Variants in LRRC47 observed in about 807,000 individuals in gnomAD.
The protein encoded by LRRC47 is leucine-rich repeat-containing protein 47.
In LRRC47, 31 loss-of-function variants were observed where a neutral mutation model predicts 40.9. That is an observed-to-expected ratio of 0.76 (90% confidence interval 0.57 to 1.02). The LOEUF (loss-of-function observed/expected upper bound fraction) is 1.02, where lower values mean the gene tolerates loss of function less well. Among genes scored for constraint, LRRC47 ranks in the 50% least tolerant of loss-of-function variants. LRRC47 has a pLI of 0.00. For missense variants in LRRC47, 726 were observed against 796.1 expected, an observed-to-expected ratio of 0.91 and a Z score of 1.06; for synonymous variants, 427 against 371.9, an observed-to-expected ratio of 1.15 and a Z score of -1.70.
chr1:3,785,040 A>C (rs1167972046), intron 3 of LRRC47, 47 bp downstream of exon 3: 2 of 1,431,642 alleles, frequency 1.4e-6, no homozygotes, highest in Non-Finnish European at 1.9e-6. Context: ...GCGTCTTTCG[A>C]CACCAAGGAG....
chr1:3,786,948 G>C lies in LRRC47; in HGVS notation c.978C>G (p.Ser326Arg), dbSNP rs1444088549. 6.2e-7 allele frequency: 1 copy of C among 1,609,734 alleles called. No homozygotes were observed. Among genetic ancestry groups the C allele is most frequent in the African/African-American group, 1.3e-5 (1 of 74,824 alleles). ...ENPVPLTVRV[S>R]PEVRDVRPYI... ...AGGGCCGCACATCCCGGACCTCGGG[G>C]CTCACTCTGACTGTCAGAGGTACGG... Residue 326 changes from serine to arginine, a missense_variant, in exon 2 of 7, where the codon AGC (serine) becomes AGG (arginine). By Grantham distance (110) the Ser-to-Arg change is moderately radical. Transcript: ENST00000378251.
chr1:3,793,854 A>G (rs1031857178), intron 1 of LRRC47, among the ~76,000 whole-genome samples: 1 of 151,944 alleles, frequency 6.6e-6, no homozygotes, highest in Non-Finnish European at 1.5e-5. Context: ...CCTTTCCCCA[A>G]ACTATCCTTG....
intron 1 of LRRC47, among the ~76,000 whole-genome samples, chr1:3,794,075 G>C (rs1031407578): frequency 2.0e-5 from 3 of 152,016 alleles, no homozygotes; most frequent in Non-Finnish European, 4.4e-5. Context: ...GGCGCTTGTA[G>C]TCCCAGCTAC....
chr1:3,795,626 G>A (rs1464769105), intron 1 of LRRC47, among the ~76,000 whole-genome samples: 3 of 152,244 alleles, frequency 2.0e-5, no homozygotes, highest in Non-Finnish European at 4.4e-5. Flanking sequence ...CAGAATGCGG[G>A]GGAGTTCAGA....
rs1643512075 is a variant in LRRC47 at position 3,780,912 on chromosome 1, G to A, written c.*176C>T. On this transcript the variant is annotated 3_prime_UTR_variant, in exon 7 of 7. Transcript: ENST00000378251. ...AATCGCTTGAACCCAGGAGACACAGGCTGCAGTGACTCGAGATCACGCCAC... is the reference window on the plus strand; with the variant it reads ...AATCGCTTGAACCCAGGAGACACAGACTGCAGTGACTCGAGATCACGCCAC... 2.3e-5 allele frequency: 21 copies of A among 894,952 alleles called. No homozygotes were observed. The South Asian group carries it at 3.7e-4, about 16-fold the overall frequency. 55.4% of individuals were successfully genotyped at this position (894,952 alleles called of 1,614,324 possible).
chr1:3,783,014 G>A, intron 4 of LRRC47: 1 of 522,190 alleles, frequency 1.9e-6, no homozygotes, highest in East Asian at 3.2e-5. Flanking sequence ...GTCAGAAACA[G>A]AGCAGGACAA....
In LRRC47 at chr1:3,786,945, G is replaced by A. The variant is rs34614387; in HGVS notation, c.981C>T (p.Pro327=). 1.2e-3 allele frequency: 1,873 copies of A among 1,609,508 alleles called. 9 individuals are homozygous for A. In the African/African-American group the frequency reaches 0.015, roughly 13 times the overall value. Residue 327 remains proline (P), a synonymous_variant, in exon 2 of 7, where the codon CCC becomes CCT. Coordinates refer to ENST00000378251, the MANE Select transcript of LRRC47 (RefSeq NM_020710.3). The part of the protein sequence containing the change: ...NPVPLTVRVS[P]EVRDVRPYIV... ...TGTAGGGCCGCACATCCCGGACCTCGGGGCTCACTCTGACTGTCAGAGGTA... is the reference window on the plus strand; with the variant it reads ...TGTAGGGCCGCACATCCCGGACCTCAGGGCTCACTCTGACTGTCAGAGGTA...
intron 1 of LRRC47, among the ~76,000 whole-genome samples, chr1:3,794,553 C>T (rs1183191005): frequency 6.6e-6 from 1 of 151,866 alleles, no homozygotes; most frequent in African/African-American, 2.4e-5. Flanking sequence ...ACCATGTTGG[C>T]CAGGCTGGTG....
At chr1:3,788,463 G>T (rs1346585658) in intron 1 of LRRC47, among the ~76,000 whole-genome samples, 1 of 152,182 alleles carries the variant, frequency 6.6e-6, no homozygotes, top group East Asian at 1.9e-4. Context: ...TAGTTACACT[G>T]GGTGTGGAGG....
intron 2 of LRRC47, among the ~76,000 whole-genome samples, chr1:3,786,417 T>C (rs184477594): frequency 7.2e-5 from 11 of 152,180 alleles, no homozygotes; most frequent in African/African-American, 2.6e-4. Context: ...GGAGAATCAC[T>C]TGAACCCAGG....
At chr1:3,786,750 A>T in intron 2 of LRRC47, 99 bp downstream of exon 2, 1 of 1,173,494 alleles carries the variant, frequency 8.5e-7, no homozygotes, top group Non-Finnish European at 1.2e-6. Flanking sequence ...CCCATACTCC[A>T]CTGCTGCTCC....
At chr1:3,792,955 A>G (rs1313394359) in intron 1 of LRRC47, among the ~76,000 whole-genome samples, 1 of 152,202 alleles carries the variant, frequency 6.6e-6, no homozygotes, top group East Asian at 1.9e-4. Context: ...TTAGTCCTAG[A>G]GGGATGCCTA....
At chr1:3,791,171 G>T (rs1002094263) in intron 1 of LRRC47, among the ~76,000 whole-genome samples, 1 of 152,182 alleles carries the variant, frequency 6.6e-6, no homozygotes, top group African/African-American at 2.4e-5. Context: ...CCACGCGAGC[G>T]ACCAGCAGCA....
intron 4 of LRRC47, chr1:3,783,019 G>T: frequency 2.0e-6 from 1 of 512,482 alleles, no homozygotes. Context: ...AAACAGAGCA[G>T]GACAAAAAGC....
chr1:3,795,010 C>T (rs903448896), intron 1 of LRRC47, among the ~76,000 whole-genome samples: 4 of 147,368 alleles, frequency 2.7e-5, no homozygotes, highest in East Asian at 2.0e-4. Flanking sequence ...GCCGAGATCG[C>T]GCCACTGCAC....
chr1:3,784,522 A>G (rs1184260899), intron 3 of LRRC47, among the ~76,000 whole-genome samples: 1 of 152,184 alleles, frequency 6.6e-6, no homozygotes, highest in African/African-American at 2.4e-5. Flanking sequence ...CGGTTTTACT[A>G]TCGGGACAGA....
intron 2 of LRRC47, 49 bp downstream of exon 2, chr1:3,786,800 C>CGT: frequency 6.7e-7 from 1 of 1,485,996 alleles, no homozygotes; most frequent in Non-Finnish European, 9.0e-7. Context: ...CAGCTTGCGG[C>CGT]GTCTCACACC....
intron 1 of LRRC47, among the ~76,000 whole-genome samples, chr1:3,787,700 T>C (rs1283559417): frequency 6.6e-6 from 1 of 152,166 alleles, no homozygotes; most frequent in East Asian, 1.9e-4. Context: ...TGTCGGGACC[T>C]AGCCAGGACT....
rs1477947600 is a variant in LRRC47 at position 3,792,713 on chromosome 1, C to T, written c.615+3149G>A. ...TGACCTCGTGATTCGCCCGCCTTGG[C>T]CTCCTAAAGTGCTGGGATAACAAGC... is the stretch of plus-strand genomic sequence containing the variant. On this transcript the variant is annotated intron_variant, in intron 1 of 6. Transcript: ENST00000378251. Among the ~76,000 whole-genome samples the T allele has an allele frequency of 2.0e-5, 3 of 152,190 alleles. No homozygotes were observed. In the East Asian group the frequency reaches 5.8e-4, roughly 29 times the overall value.
Sources: allele counts gnomAD v4.1 joint callset (sites outside exome capture counted in the v4.1 genomes callset), GRCh38; gene constraint gnomAD v4.1.1; transcripts MANE v1.5; gene names NCBI Gene and HGNC (gene_info 2026-07-23, HGNC 2026-07-21).